Variants in PCDHGB5 observed in about 807,000 individuals in gnomAD.
PCDHGB5 encodes the protein protocadherin gamma subfamily B, 5, also known as protocadherin gamma-B5.
PCDHGB5 carries 48 observed loss-of-function variants against 62.9 expected under a neutral mutation model. The observed-to-expected ratio is 0.76, with a 90% CI of 0.61 to 0.97. The LOEUF is 0.97. Ranked by LOEUF, PCDHGB5 falls within the 50% of genes least tolerant of loss-of-function variation. PCDHGB5 has a pLI of 0.00. For missense variants in PCDHGB5, 1,118 were observed against 1,198.6 expected, an observed-to-expected ratio of 0.93 and a Z score of 0.99; for synonymous variants, 474 against 511.2, an observed-to-expected ratio of 0.93 and a Z score of 0.98.
At chr5:141,447,230 C>G (rs1309076828) in intron 1 of PCDHGB5, among the ~76,000 whole-genome samples, 1 of 152,132 alleles carries the variant, frequency 6.6e-6, no homozygotes, top group Non-Finnish European at 1.5e-5. Flanking sequence ...ACCTCCGCCT[C>G]CCGGGTTCAA....
intron 1 of PCDHGB5, chr5:141,478,511 C>CA: frequency 3.1e-6 from 5 of 1,611,778 alleles, no homozygotes; most frequent in Non-Finnish European, 4.2e-6. Context: ...GTTCTATAGG[C>CA]AGGTGTTGGG....
chr5:141,459,162 T>A (rs1408033955), intron 1 of PCDHGB5, among the ~76,000 whole-genome samples: 3 of 152,224 alleles, frequency 2.0e-5, no homozygotes, highest in African/African-American at 7.2e-5. Context: ...AACATTTCTA[T>A]AACCTTCAAA....
intron 1 of PCDHGB5, chr5:141,418,374 T>C: frequency 1.2e-6 from 2 of 1,613,968 alleles, no homozygotes; most frequent in Non-Finnish European, 1.7e-6. Flanking sequence ...AAATACCAAC[T>C]AAGTCCTAAC....
intron 1 of PCDHGB5, chr5:141,404,131 A>G (rs756505012): frequency 1.2e-6 from 2 of 1,613,162 alleles, no homozygotes; most frequent in South Asian, 2.2e-5. Context: ...TATCTTTTAC[A>G]TTAGAAAATT....
In PCDHGB5 at chr5:141,511,223, A is replaced by G. The variant is rs1193308928; in HGVS notation, c.*50A>G. On this transcript the variant is annotated 3_prime_UTR_variant, in exon 4 of 4. Transcript: ENST00000617380. ...AGGGCGGCCTCTCCCCAACCAGCCC[A>G]GCTTCTCCTTACCTGCACCCAGGCC... 1 of 1,604,390 alleles carries G rather than the reference A, an allele frequency of 6.2e-7. No individual in the cohort carries two copies.
At position 141,483,010 on chromosome 5, in the gene PCDHGB5, G is replaced by A. The variant is rs574078222; in HGVS notation, c.2398-11797G>A. Among the ~76,000 whole-genome samples the A allele has an allele frequency of 1.3e-3, 204 of 152,122 alleles. 1 individual carries two copies. Among genetic ancestry groups the A allele is most frequent in the African/African-American group, 4.0e-3 (168 of 41,498 alleles). On this transcript the variant is annotated intron_variant, in intron 1 of 3. Coordinates refer to ENST00000617380, the MANE Select transcript of PCDHGB5 (RefSeq NM_018925.3). Reference sequence around the variant, plus strand: ...CGAGGCAGGAGAATTGCTTGAACCCGGGAGGCAGAGGTTGCAATGAGCTGG... The same window carrying A: ...CGAGGCAGGAGAATTGCTTGAACCCAGGAGGCAGAGGTTGCAATGAGCTGG...
intron 1 of PCDHGB5, among the ~76,000 whole-genome samples, chr5:141,406,485 G>T (rs2094815755): frequency 6.6e-6 from 1 of 152,142 alleles, no homozygotes; most frequent in Non-Finnish European, 1.5e-5. Flanking sequence ...ATATTTTTCA[G>T]ATCACAAGTG....
At position 141,399,943 on chromosome 5, in the gene PCDHGB5, C is replaced by A. The variant is rs1334013330; in HGVS notation, c.1816C>A (p.Gln606Lys). The change falls in exon 1 of 4, where the codon CAG becomes AAG. Residue 606 changes from glutamine (Q) to lysine (K), a missense_variant. Gln to Lys is a moderately conservative substitution (Grantham distance 53). Coordinates refer to ENST00000617380, the MANE Select transcript of PCDHGB5 (RefSeq NM_018925.3). ...HNAWLSYHVL[Q>K]ASEPGLFSLG... Reference sequence around the variant, plus strand: ...CGCCTGGCTGTCCTACCACGTGCTGCAGGCTAGCGAGCCCGGGCTCTTCAG... The same window carrying A: ...CGCCTGGCTGTCCTACCACGTGCTGAAGGCTAGCGAGCCCGGGCTCTTCAG... The A allele has an allele frequency of 3.7e-6, 6 of 1,612,294 alleles. 1 individual carries two copies. The Admixed American group carries it at 1.0e-4, about 27-fold the overall frequency.
At chr5:141,447,209 G>A (rs1004956165) in intron 1 of PCDHGB5, among the ~76,000 whole-genome samples, 3 of 151,850 alleles carry the variant, frequency 2.0e-5, no homozygotes, top group East Asian at 3.9e-4. Context: ...GCTTGATCTC[G>A]GCTCACTGCA....
At chr5:141,435,058 A>G (rs1161891073) in intron 1 of PCDHGB5, among the ~76,000 whole-genome samples, 3 of 152,234 alleles carry the variant, frequency 2.0e-5, no homozygotes, top group East Asian at 3.9e-4. Flanking sequence ...ACCATGCAGC[A>G]GTTTTGTGTA....
At position 141,493,093 on chromosome 5, in the gene PCDHGB5, A is replaced by G. The variant is rs78102761; in HGVS notation, c.2398-1714A>G. On this transcript the variant is annotated intron_variant, in intron 1 of 3. Transcript: ENST00000617380. The surrounding 1 kb of genome is among the most constrained non-coding windows in gnomAD (Gnocchi z 4.3). ...CTCCAACTCCAGGAGCTTTTATTCA[A>G]AATATATCAATGCCTAACTCTGCTC... 0.034 allele frequency among the ~76,000 whole-genome samples: 5,198 copies of G among 152,282 alleles called. 159 individuals carry two copies. Among genetic ancestry groups the G allele is most frequent in the African/African-American group, 0.079 (3,275 of 41,546 alleles).
chr5:141,444,240 C>A (rs1017550385), intron 1 of PCDHGB5, among the ~76,000 whole-genome samples: 1 of 128,688 alleles, frequency 7.8e-6, no homozygotes, highest in Admixed American at 9.7e-5. Flanking sequence ...GGCATGCTCT[C>A]GGCTCACTGC....
At chr5:141,409,954 C>T (rs774233531) in intron 1 of PCDHGB5, 3 of 1,613,356 alleles carry the variant, frequency 1.9e-6, no homozygotes, top group South Asian at 1.1e-5. Flanking sequence ...CTGCAGAGCC[C>T]GGCTACCTAG....
In PCDHGB5 at chr5:141,489,459, C is replaced by A; in HGVS notation, c.2398-5348C>A. ...AATTGGGCTCTGAGGAGAATGGGCG[C>A]TATTTTTCCCTGAGCTTGATGAGTG... On this transcript the variant is annotated intron_variant, in intron 1 of 3. Transcript: ENST00000617380. The surrounding 1 kb of genome is among the most constrained non-coding windows in gnomAD (Gnocchi z 4.5). 1 of 1,614,086 alleles carries A rather than the reference C, an allele frequency of 6.2e-7. No individual in the cohort carries two copies. The highest frequency in any genetic ancestry group is 8.5e-7 in the Non-Finnish European group (1 of 1,180,012).
Position 141,398,284 on chromosome 5 carries a change from G to A in PCDHGB5, c.157G>A (p.Asp53Asn), listed in dbSNP as rs1462851627. ...KGSVVGNLAT[D>N]LGFSVQELPT... Reference sequence around the variant, plus strand: ...CTCCGTAGTGGGGAACCTCGCCACGGACCTGGGGTTCAGCGTCCAGGAGTT... The same window carrying A: ...CTCCGTAGTGGGGAACCTCGCCACGAACCTGGGGTTCAGCGTCCAGGAGTT... Residue 53 changes from aspartate (D) to asparagine (N), a missense_variant, in exon 1 of 4, where the codon GAC becomes AAC. Physicochemically the swap from Asp to Asn is conservative, Grantham distance 23. Coordinates refer to ENST00000617380, the MANE Select transcript of PCDHGB5 (RefSeq NM_018925.3). 7.1e-7 allele frequency: 1 copy of A among 1,400,106 alleles called. No homozygotes were observed. The highest frequency in any genetic ancestry group is 9.8e-7 in the Non-Finnish European group (1 of 1,022,758). The allele number at this position is 1,400,106 out of a possible 1,614,324, so 86.7% of individuals were successfully genotyped here.
At chr5:141,437,047 G>C (rs2097860477) in intron 1 of PCDHGB5, among the ~76,000 whole-genome samples, 1 of 152,214 alleles carries the variant, frequency 6.6e-6, no homozygotes, top group Admixed American at 6.5e-5. Context: ...AAACCAGAAG[G>C]CTGGTGATCA....
At position 141,430,919 on chromosome 5, in the gene PCDHGB5, C is replaced by A. The variant is rs377613499; in HGVS notation, c.2397+30395C>A. The A allele has an allele frequency of 6.2e-7, 1 of 1,607,492 alleles. No homozygotes were observed. Among genetic ancestry groups the A allele is most frequent in the Admixed American group, 1.7e-5 (1 of 58,806 alleles). The stretch of plus-strand genomic sequence containing the variant: ...GGGCGACATCTCCAGGGACCTGGGG[C>A]TGGAGCCCCGGGAGCTCGCGGAGCG... On this transcript the variant is annotated intron_variant, in intron 1 of 3. Transcript: ENST00000617380.
In PCDHGB5 at chr5:141,476,506, C is replaced by T; in HGVS notation, c.2398-18301C>T. 1 of 1,614,068 alleles carries T rather than the reference C, an allele frequency of 6.2e-7. No homozygotes were observed. ...AAGTGGTGATCCAGGACATCAACGA[C>T]AACAATCCTGCTTTCCCTACCCAGG... On this transcript the variant is annotated intron_variant, in intron 1 of 3. Transcript: ENST00000617380. This position sits in a 1 kb window ranked among gnomAD's most constrained non-coding sequence, Gnocchi z 7.6.
rs142172414 is a variant in PCDHGB5, at chr5:141,477,145, G to A, written c.2398-17662G>A. On this transcript the variant is annotated intron_variant, in intron 1 of 3. Coordinates refer to ENST00000617380, the MANE Select transcript of PCDHGB5 (RefSeq NM_018925.3). The surrounding 1 kb of genome is among the most constrained non-coding windows in gnomAD (Gnocchi z 4.9). ...ATTGCAAAGTGTTGGTGGAGGTTGT[G>A]GATGTGAATGACAACGCCCCGGAGA... The A allele has an allele frequency of 3.7e-6, 6 of 1,614,054 alleles. No homozygotes were observed. The African/African-American group carries it at 8.0e-5, about 22-fold the overall frequency.
Sources: gnomAD v4.1 joint callset for allele counts (sites outside exome capture counted in the v4.1 genomes callset) on GRCh38, gnomAD v4.1.1 for gene constraint, Gnocchi (gnomAD v3.1) non-coding constraint, MANE v1.5 for transcripts, NCBI Gene and HGNC (gene_info 2026-07-23, HGNC 2026-07-21) for gene names.